CNTNAP2: variants seen among roughly 807,000 people sequenced by gnomAD.
CNTNAP2 encodes contactin-associated protein-like 2.
CNTNAP2 carries 98 observed loss-of-function variants against 155.2 expected under a neutral mutation model. The observed-to-expected ratio is 0.63, with a 90% CI of 0.54 to 0.75. CNTNAP2 has a LOEUF of 0.75. Among genes scored for constraint, CNTNAP2 ranks in the 30% least tolerant of loss-of-function variants. The pLI, the probability that CNTNAP2 is intolerant of heterozygous loss-of-function variation, is 0.00. For synonymous variants in CNTNAP2, 651 were observed against 631.2 expected, an observed-to-expected ratio of 1.03 and a Z score of -0.47; for missense variants, 1,727 against 1,688.1, an observed-to-expected ratio of 1.02 and a Z score of -0.40.
At chr7:146,970,409 C>A (rs576211132) in intron 3 of CNTNAP2, among the ~76,000 whole-genome samples, 1 of 152,242 alleles carries the variant, frequency 6.6e-6, no homozygotes, top group East Asian at 1.9e-4. Flanking sequence ...AGGACATGAA[C>A]AGACACTTCT....
rs182010889 is a variant in CNTNAP2 at position 147,850,460 on chromosome 7, A to T, written c.2099-53105A>T. Among the ~76,000 whole-genome samples, 362 of 152,294 alleles carry T rather than the reference A, an allele frequency of 2.4e-3. 3 individuals are homozygous for T. The highest frequency in any genetic ancestry group is 7.9e-3 in the African/African-American group (329 of 41,566). ...CCAAAAAAGAGCCCGCATTGCCAAG[A>T]CAATCCTAAGCCAAAAGAACAAAGC... is the stretch of plus-strand genomic sequence containing the variant. On this transcript the variant is annotated intron_variant, in intron 13 of 23. Coordinates refer to ENST00000361727, the MANE Select transcript of CNTNAP2 (RefSeq NM_014141.6).
At chr7:146,306,369 A>G (rs1289149523) in intron 1 of CNTNAP2, among the ~76,000 whole-genome samples, 3 of 152,160 alleles carry the variant, frequency 2.0e-5, no homozygotes, top group Admixed American at 6.5e-5. Flanking sequence ...CAATAGAAAA[A>G]GAGGGAATCC....
intron 14 of CNTNAP2, among the ~76,000 whole-genome samples, chr7:147,916,430 G>C (rs945853826): frequency 6.6e-6 from 1 of 152,148 alleles, no homozygotes; most frequent in African/African-American, 2.4e-5. Flanking sequence ...ACAGCAAAGA[G>C]AGCGATTAAT....
chr7:146,437,467 TA>T (rs745787471), intron 1 of CNTNAP2, among the ~76,000 whole-genome samples: 2 of 151,492 alleles, frequency 1.3e-5, no homozygotes, highest in African/African-American at 4.9e-5. Flanking sequence ...GTACCATGTT[TA>T]AGGTGACTAG....
chr7:146,188,199 T>A (rs1798650321), intron 1 of CNTNAP2, among the ~76,000 whole-genome samples: 1 of 152,178 alleles, frequency 6.6e-6, no homozygotes, highest in South Asian at 2.1e-4. Context: ...CCATAAGGAA[T>A]CTGATGAACA....
rs569693078 is a variant in CNTNAP2 at position 146,447,373 on chromosome 7, CA to C, written c.98-326896del. On this transcript the variant is annotated intron_variant, in intron 1 of 23. Coordinates refer to ENST00000361727, the MANE Select transcript of CNTNAP2 (RefSeq NM_014141.6). ...GTGCATGTCTGAAGTTGAGGTTCAG[CA>C]ATGCATTAGTATTTGCCAAATTATG... 1.9e-4 allele frequency among the ~76,000 whole-genome samples: 29 copies of C among 152,108 alleles called. No homozygotes were observed. In the East Asian group the frequency reaches 5.6e-3, roughly 29 times the overall value.
chr7:146,799,975 A>G (rs1345206184), intron 2 of CNTNAP2, among the ~76,000 whole-genome samples: 5 of 61,764 alleles, frequency 8.1e-5, no homozygotes, highest in Non-Finnish European at 1.3e-4. Context: ...TAAAAAAAGT[A>G]TGAAAATATG....
intron 12 of CNTNAP2, among the ~76,000 whole-genome samples, chr7:147,573,709 A>G (rs1800337265): frequency 6.6e-6 from 1 of 152,170 alleles, no homozygotes; most frequent in Non-Finnish European, 1.5e-5. Context: ...TCTAACATGA[A>G]GTGTTTGCTC....
At chr7:146,435,283 T>A (rs1028321883) in intron 1 of CNTNAP2, among the ~76,000 whole-genome samples, 6 of 152,190 alleles carry the variant, frequency 3.9e-5, no homozygotes, top group African/African-American at 7.2e-5. Context: ...TAAACTTTTT[T>A]AACTTATAAT....
chr7:146,450,334 A>T (rs1796460400), intron 1 of CNTNAP2, among the ~76,000 whole-genome samples: 1 of 152,216 alleles, frequency 6.6e-6, no homozygotes, highest in African/African-American at 2.4e-5. Flanking sequence ...AAATGACAGT[A>T]ATTTATTTCT....
rs571979059 is a variant in CNTNAP2, at chr7:146,270,442, T to G, written c.97+153469T>G. Among the ~76,000 whole-genome samples the G allele has an allele frequency of 3.9e-5, 6 of 152,306 alleles. No individual in the cohort carries two copies. The South Asian group carries it at 1.2e-3, about 32-fold the overall frequency. On this transcript the variant is annotated intron_variant, in intron 1 of 23. Transcript: ENST00000361727. ...ATTTTGATTGTTTTTGGCAATTATC[T>G]TAAAGATTTCATATCCAGAAACTTC...
intron 16 of CNTNAP2, among the ~76,000 whole-genome samples, chr7:148,141,969 A>G (rs1805082250): frequency 6.6e-6 from 1 of 152,208 alleles, no homozygotes; most frequent in Non-Finnish European, 1.5e-5. Flanking sequence ...GGGAGTACAG[A>G]CATCTCTTTC....
At chr7:148,374,518 G>C (rs1798947315) in intron 21 of CNTNAP2, among the ~76,000 whole-genome samples, 1 of 152,274 alleles carries the variant, frequency 6.6e-6, no homozygotes, top group South Asian at 2.1e-4. Context: ...GTGGCTTGGA[G>C]AGGAATTAAG....
At chr7:148,196,399 G>A (rs1795278949) in intron 18 of CNTNAP2, among the ~76,000 whole-genome samples, 1 of 152,102 alleles carries the variant, frequency 6.6e-6, no homozygotes, top group South Asian at 2.1e-4. Context: ...GGAGGAACTG[G>A]GGGGATCTGG....
At chr7:146,359,893 A>G (rs1795058055) in intron 1 of CNTNAP2, among the ~76,000 whole-genome samples, 4 of 152,212 alleles carry the variant, frequency 2.6e-5, no homozygotes, top group Admixed American at 2.6e-4. Context: ...AGTGACTTTA[A>G]TATTCTTCCC....
At chr7:146,616,813 A>G (rs1485094997) in intron 1 of CNTNAP2, among the ~76,000 whole-genome samples, 1 of 151,128 alleles carries the variant, frequency 6.6e-6, no homozygotes, top group East Asian at 2.0e-4. Context: ...GGTTTGCTCA[A>G]TCTCACTGAG....
At chr7:146,184,188 C>G (rs1483348737) in intron 1 of CNTNAP2, among the ~76,000 whole-genome samples, 2 of 152,152 alleles carry the variant, frequency 1.3e-5, no homozygotes, top group Non-Finnish European at 2.9e-5. Flanking sequence ...AGGTGCTGTA[C>G]TGAACTTTGC....
chr7:146,475,011 GCGCACACACA>G (rs1167710854), intron 1 of CNTNAP2, among the ~76,000 whole-genome samples: 226 of 134,762 alleles, frequency 1.7e-3, no homozygotes, highest in African/African-American at 6.0e-3. Context: ...GCGCGCGCGC[GCGCACACACA>G]CACACACACA....
At chr7:147,578,926 T>C (rs1800447935) in intron 12 of CNTNAP2, among the ~76,000 whole-genome samples, 1 of 152,114 alleles carries the variant, frequency 6.6e-6, no homozygotes, top group Non-Finnish European at 1.5e-5. Flanking sequence ...TTTCTTAGTT[T>C]CTCATCAATA....
Sources: allele counts gnomAD v4.1 joint callset (sites outside exome capture counted in the v4.1 genomes callset), GRCh38; gene constraint gnomAD v4.1.1; transcripts MANE v1.5; gene names NCBI Gene and HGNC (gene_info 2026-07-23, HGNC 2026-07-21).